Variants in TRMT11 observed in about 807,000 individuals in gnomAD.
TRMT11 encodes tRNA methyltransferase 11.
TRMT11 carries 53 observed loss-of-function variants against 62.8 expected under a neutral mutation model. That is an observed-to-expected ratio of 0.84 (90% CI 0.68 to 1.06). The LOEUF (loss-of-function observed/expected upper bound fraction) is 1.06, where lower values mean the gene tolerates loss of function less well. Among genes scored for constraint, TRMT11 ranks in the 50% least tolerant of loss-of-function variants. The pLI is 0.00. For synonymous variants in TRMT11, 188 were observed against 190.3 expected (o/e 0.99, Z 0.10); for missense variants, 556 against 553.4 (o/e 1.00, Z -0.05).
At chr6:126,123,754 C>T (rs1777677041) in intron 21 of TRMT11, among the ~76,000 whole-genome samples, 1 of 152,050 alleles carries the variant, frequency 6.6e-6, no homozygotes, top group Non-Finnish European at 1.5e-5. Context: ...TATTTTATGG[C>T]TAAGTCATTT....
At chr6:126,161,563 T>A (rs973094105) in intron 21 of TRMT11, among the ~76,000 whole-genome samples, 3 of 152,130 alleles carry the variant, frequency 2.0e-5, no homozygotes, top group Non-Finnish European at 4.4e-5. Flanking sequence ...TGTCTTTATA[T>A]TAGAATGATT....
At chr6:126,265,735 A>G in the TRMT11 span, among the ~76,000 whole-genome samples, 20 of 152,314 alleles carry the variant, frequency 1.3e-4, 2 homozygotes, top group South Asian at 1.0e-3. Context: ...CACATGTACA[A>G]TGATTCCTAC....
the TRMT11 span, among the ~76,000 whole-genome samples, chr6:126,262,802 T>C: frequency 5.3e-5 from 8 of 152,210 alleles, no homozygotes; most frequent in Non-Finnish European, 1.2e-4. Flanking sequence ...GGAGACAGTG[T>C]GGCAGAGGCA....
chr6:126,010,838 C>A (rs904086896), intron 8 of TRMT11, among the ~76,000 whole-genome samples: 12 of 152,034 alleles, frequency 7.9e-5, no homozygotes, highest in Admixed American at 1.3e-4. Flanking sequence ...TTTTGCCTCC[C>A]TTCCTCATGG....
intron 1 of TRMT11, among the ~76,000 whole-genome samples, chr6:126,183,275 G>A (rs1778488064): frequency 6.6e-6 from 1 of 152,108 alleles, no homozygotes; most frequent in African/African-American, 2.4e-5. Context: ...GGCCAACAAA[G>A]GAACTGTAAG....
At chr6:126,121,934 A>T (rs181817736) in intron 21 of TRMT11, among the ~76,000 whole-genome samples, 11 of 152,198 alleles carry the variant, frequency 7.2e-5, no homozygotes, top group Admixed American at 5.9e-4. Context: ...ATGGTTTGGC[A>T]GTGTCCCCAC....
chr6:126,052,393 T>C (rs1776245300), intron 16 of TRMT11, among the ~76,000 whole-genome samples: 1 of 152,118 alleles, frequency 6.6e-6, no homozygotes, highest in Non-Finnish European at 1.5e-5. Flanking sequence ...TTCCCCTTCC[T>C]CTCTCTTATT....
chr6:125,998,719 T>G (rs750620405), intron 6 of TRMT11, 35 bp downstream of exon 6: 1 of 1,599,072 alleles, frequency 6.3e-7, no homozygotes, highest in Non-Finnish European at 8.5e-7. Flanking sequence ...TGTCAGTTTG[T>G]TTTTTTGAAA....
intron 21 of TRMT11, among the ~76,000 whole-genome samples, chr6:126,142,711 A>G (rs571130605): frequency 6.8e-4 from 103 of 152,192 alleles, no homozygotes; most frequent in African/African-American, 2.4e-3. Flanking sequence ...GCTGTCTGAC[A>G]CCTAAAAGAA....
intron 1 of TRMT11, among the ~76,000 whole-genome samples, chr6:126,185,807 A>G (rs1038157568): frequency 3.9e-5 from 6 of 152,190 alleles, no homozygotes; most frequent in Admixed American, 3.9e-4. Flanking sequence ...TCATGGTGGA[A>G]GGCACCTCTT....
chr6:126,212,482 T>C, the TRMT11 span, among the ~76,000 whole-genome samples: 31 of 152,282 alleles, frequency 2.0e-4, no homozygotes, highest in African/African-American at 7.5e-4. Context: ...TGTGAGATGA[T>C]ATCTTATTAT....
chr6:126,192,363 A>G (rs1778613212), intron 1 of TRMT11, among the ~76,000 whole-genome samples: 1 of 152,126 alleles, frequency 6.6e-6, no homozygotes, highest in Non-Finnish European at 1.5e-5. Flanking sequence ...GTTTTTATAA[A>G]TATAAGATCA....
chr6:126,161,228 C>T (rs1382506535), intron 21 of TRMT11, among the ~76,000 whole-genome samples: 1 of 152,090 alleles, frequency 6.6e-6, no homozygotes, highest in Admixed American at 6.6e-5. Flanking sequence ...TAACCCTCCC[C>T]TTGTCCCCCA....
chr6:126,113,567 T>G (rs1420166727), intron 18 of TRMT11, among the ~76,000 whole-genome samples: 1 of 152,106 alleles, frequency 6.6e-6, no homozygotes, highest in Non-Finnish European at 1.5e-5. Context: ...ACTCAATGAA[T>G]CAATTCTACA....
intron 11 of TRMT11, among the ~76,000 whole-genome samples, chr6:126,015,136 C>G (rs1794794471): frequency 6.6e-6 from 1 of 151,758 alleles, no homozygotes; most frequent in South Asian, 2.1e-4. Context: ...GTTTCAAATA[C>G]AATACAGAAA....
chr6:126,270,493 G>A, the TRMT11 span, among the ~76,000 whole-genome samples: 2 of 152,040 alleles, frequency 1.3e-5, no homozygotes, highest in African/African-American at 4.8e-5. Flanking sequence ...AAATGATGTT[G>A]TTCGAACAAT....
downstream of TRMT11, among the ~76,000 whole-genome samples, chr6:126,202,838 C>T (rs181595669): frequency 7.9e-5 from 12 of 152,200 alleles, no homozygotes; most frequent in African/African-American, 1.4e-4. Flanking sequence ...TAAGCAAAGA[C>T]GGTGTTTGCT....
chr6:126,053,952 G>T (rs530286686), intron 17 of TRMT11, among the ~76,000 whole-genome samples: 2 of 152,268 alleles, frequency 1.3e-5, no homozygotes, highest in Middle Eastern at 3.4e-3. Context: ...CACTGGAAAA[G>T]CATATTTGGG....
the TRMT11 span, among the ~76,000 whole-genome samples, chr6:126,226,359 C>A: frequency 6.6e-6 from 1 of 152,040 alleles, no homozygotes; most frequent in Admixed American, 6.6e-5. Context: ...CTGTATAGAC[C>A]TTGCCAATCC....
Sources: gnomAD v4.1 joint callset for allele counts (sites outside exome capture counted in the v4.1 genomes callset) on GRCh38, gnomAD v4.1.1 for gene constraint, MANE v1.5 for transcripts, NCBI Gene and HGNC (gene_info 2026-07-23, HGNC 2026-07-21) for gene names.